Variants in SGCG observed in about 807,000 individuals in gnomAD.
SGCG encodes gamma-sarcoglycan.
SGCG carries 26 observed loss-of-function variants against 29.3 expected under a neutral mutation model. The ratio of observed to expected loss-of-function variants is 0.89; its 90% CI spans 0.65 to 1.23. The LOEUF is 1.23. Among genes scored for constraint, SGCG ranks in the 50% most tolerant of loss-of-function variants. The probability of loss-of-function intolerance (pLI) is 0.00; values close to 1 mark genes in which losing one functional copy is unlikely to be tolerated. For synonymous variants in SGCG, 145 were observed against 129.7 expected (o/e 1.12, Z -0.80); for missense variants, 353 against 356.0 (o/e 0.99, Z 0.07).
the SGCG span, among the ~76,000 whole-genome samples, chr13:23,169,475 T>A: frequency 6.6e-6 from 1 of 151,540 alleles, no homozygotes; most frequent in Non-Finnish European, 1.5e-5. Context: ...GGTCAAGAGA[T>A]CGAGACCATT....
chr13:23,263,114 A>G (rs574378388), intron 4 of SGCG, among the ~76,000 whole-genome samples: 1 of 152,132 alleles, frequency 6.6e-6, no homozygotes, highest in African/African-American at 2.4e-5. Context: ...GAATAAACCA[A>G]ACCCAAAGCT....
chr13:23,189,559 G>A (rs1877156466), intron 1 of SGCG, among the ~76,000 whole-genome samples: 6 of 152,090 alleles, frequency 3.9e-5, no homozygotes, highest in Admixed American at 3.9e-4. Context: ...TAGTCCTGTA[G>A]AATAACAATT....
At chr13:23,269,755 A>G (rs1042555647) in intron 4 of SGCG, among the ~76,000 whole-genome samples, 2 of 150,606 alleles carry the variant, frequency 1.3e-5, no homozygotes, top group Admixed American at 6.6e-5. Flanking sequence ...TTATTCAGCT[A>G]TTCACCCATA....
intron 2 of SGCG, among the ~76,000 whole-genome samples, chr13:23,211,242 C>T (rs935308740): frequency 6.6e-6 from 1 of 152,092 alleles, no homozygotes. Flanking sequence ...ACCAGAAATC[C>T]GTGGGTAAGT....
intron 2 of SGCG, among the ~76,000 whole-genome samples, chr13:23,234,111 T>A (rs9507057): frequency 6.6e-6 from 1 of 152,002 alleles, no homozygotes; most frequent in Non-Finnish European, 1.5e-5. Context: ...CAGACCTCTA[T>A]ATCCTCCTGT....
intron 6 of SGCG, among the ~76,000 whole-genome samples, chr13:23,306,542 G>T (rs189169479): frequency 3.3e-5 from 5 of 152,218 alleles, no homozygotes; most frequent in African/African-American, 1.2e-4. Context: ...GTTTTATACA[G>T]CTCATTGATA....
At chr13:23,182,489 C>T (rs968490242) in intron 1 of SGCG, among the ~76,000 whole-genome samples, 1 of 152,030 alleles carries the variant, frequency 6.6e-6, no homozygotes, top group African/African-American at 2.4e-5. Flanking sequence ...CTCTCAGCCT[C>T]TATAGCACCT....
At position 23,276,169 on chromosome 13, in the gene SGCG, A is replaced by G. The variant is rs151215115; in HGVS notation, c.386-3190A>G. Reference sequence around the variant, plus strand: ...ACGATTACATCCTCAGCTCTAATCAATGTCCAACTAGGTTAAAAAAAAAAC... The same window carrying G: ...ACGATTACATCCTCAGCTCTAATCAGTGTCCAACTAGGTTAAAAAAAAAAC... On this transcript the variant is annotated intron_variant, in intron 4 of 7. Coordinates refer to ENST00000218867, the MANE Select transcript of SGCG (RefSeq NM_000231.3). Among the ~76,000 whole-genome samples the G allele has an allele frequency of 7.7e-3, 1,169 of 152,136 alleles. 18 individuals carry two copies. The highest frequency in any genetic ancestry group is 0.026 in the African/African-American group (1,081 of 41,550).
At chr13:23,291,649 T>C (rs987547202) in intron 5 of SGCG, among the ~76,000 whole-genome samples, 1 of 152,214 alleles carries the variant, frequency 6.6e-6, no homozygotes, top group African/African-American at 2.4e-5. Context: ...ATAGATTTTA[T>C]ATCTCCCTGT....
At chr13:23,267,517 C>CA (rs1371985543) in intron 4 of SGCG, 13 of 152,224 alleles carry the variant, frequency 8.5e-5, no homozygotes, top group Admixed American at 8.5e-4. Flanking sequence ...TGACATTTTG[C>CA]AAATCTTTGA....
chr13:23,228,963 C>T (rs1467406612), intron 2 of SGCG, among the ~76,000 whole-genome samples: 1 of 152,152 alleles, frequency 6.6e-6, no homozygotes, highest in Non-Finnish European at 1.5e-5. Flanking sequence ...CTCCACCTCC[C>T]GAGTTCAAGC....
intron 5 of SGCG, among the ~76,000 whole-genome samples, chr13:23,280,775 A>G (rs1881276985): frequency 6.6e-6 from 1 of 152,238 alleles, no homozygotes; most frequent in African/African-American, 2.4e-5. Context: ...AGTGGATTAA[A>G]TGTGCAAAGG....
chr13:23,214,645 T>A (rs1322498241), intron 2 of SGCG, among the ~76,000 whole-genome samples: 1 of 152,196 alleles, frequency 6.6e-6, no homozygotes, highest in East Asian at 1.9e-4. Flanking sequence ...CCTCCATCCC[T>A]GCCTTAATGA....
At chr13:23,210,762 C>A (rs1471536127) in intron 2 of SGCG, among the ~76,000 whole-genome samples, 1 of 152,162 alleles carries the variant, frequency 6.6e-6, no homozygotes, top group South Asian at 2.1e-4. Context: ...ATAATGATCC[C>A]ATGAGTTTGA....
intron 2 of SGCG, among the ~76,000 whole-genome samples, 182 bp downstream of exon 2, chr13:23,204,071 T>G (rs1877884731): frequency 6.6e-6 from 1 of 151,214 alleles, no homozygotes; most frequent in Non-Finnish European, 1.5e-5. Context: ...TTAAACCTCA[T>G]TGTGAACTAT....
intron 1 of SGCG, among the ~76,000 whole-genome samples, chr13:23,201,235 T>C (rs912021789): frequency 6.6e-6 from 1 of 152,114 alleles, no homozygotes; most frequent in African/African-American, 2.4e-5. Flanking sequence ...TAAAATTGTC[T>C]TAAATGGATA....
intron 2 of SGCG, among the ~76,000 whole-genome samples, chr13:23,209,377 C>T (rs1365623432): frequency 6.6e-6 from 1 of 152,042 alleles, no homozygotes; most frequent in Non-Finnish European, 1.5e-5. Flanking sequence ...GAAAGTAAAC[C>T]CTTGCTAGAC....
intron 6 of SGCG, among the ~76,000 whole-genome samples, chr13:23,313,891 C>T (rs1006528043): frequency 6.6e-6 from 1 of 152,136 alleles, no homozygotes; most frequent in African/African-American, 2.4e-5. Flanking sequence ...TAATCAGCTG[C>T]CAGCGAATAT....
chr13:23,216,717 A>C (rs188101031), intron 2 of SGCG, among the ~76,000 whole-genome samples: 1 of 152,106 alleles, frequency 6.6e-6, no homozygotes, highest in Non-Finnish European at 1.5e-5. Flanking sequence ...TTTTCTTTGT[A>C]TGTAAAATGT....
Sources: allele counts gnomAD v4.1 joint callset (sites outside exome capture counted in the v4.1 genomes callset), GRCh38; gene constraint gnomAD v4.1.1; transcripts MANE v1.5; gene names NCBI Gene and HGNC (gene_info 2026-07-23, HGNC 2026-07-21).